The following LDLRAD3 variants were observed in gnomAD, a reference collection of about 807,000 sequenced individuals.
LDLRAD3 encodes low density lipoprotein receptor class A domain containing 3, also known as low-density lipoprotein receptor class A domain-containing protein 3.
A neutral mutation model predicts 29.4 loss-of-function variants in LDLRAD3; 20 were observed. The observed-to-expected ratio is 0.68, with a 90% CI of 0.48 to 0.99. LDLRAD3 has a LOEUF of 0.99. Among genes scored for constraint, LDLRAD3 ranks in the 50% least tolerant of loss-of-function variants. The probability of loss-of-function intolerance (pLI) is 0.00; values close to 1 mark genes in which losing one functional copy is unlikely to be tolerated. For synonymous variants in LDLRAD3, 157 were observed against 192.7 expected, an observed-to-expected ratio of 0.81 and a Z score of 1.53; for missense variants, 420 against 454.3, an observed-to-expected ratio of 0.92 and a Z score of 0.69.
intron 4 of LDLRAD3, among the ~76,000 whole-genome samples, chr11:36,214,288 G>A (rs371635251): frequency 6.6e-6 from 1 of 152,302 alleles, no homozygotes; most frequent in African/African-American, 2.4e-5. Flanking sequence ...GGCTGTGAGT[G>A]GGGGCAGACC....
chr11:36,172,255 A>G (rs1256198260), intron 4 of LDLRAD3, among the ~76,000 whole-genome samples: 1 of 152,174 alleles, frequency 6.6e-6, no homozygotes, highest in East Asian at 1.9e-4. Context: ...TTTTTTAGGT[A>G]TATGATCATA....
chr11:35,978,007 C>T lies in LDLRAD3; in HGVS notation c.46+33863C>T, dbSNP rs138694313. 4.8e-3 allele frequency among the ~76,000 whole-genome samples: 727 copies of T among 152,250 alleles called. 9 individuals carry two copies. Among genetic ancestry groups the T allele is most frequent in the African/African-American group, 0.016 (677 of 41,554 alleles). On this transcript the variant is annotated intron_variant, in intron 1 of 5. Transcript: ENST00000315571. ...TGGTGGTTTCAAACCTGAGCCCCTA[C>T]ATCAGTGGTCACCGTGGCAGACTCC... is the stretch of plus-strand genomic sequence containing the variant.
At chr11:36,129,205 C>T (rs1853888678) in intron 4 of LDLRAD3, among the ~76,000 whole-genome samples, 1 of 152,178 alleles carries the variant, frequency 6.6e-6, no homozygotes. Flanking sequence ...GGCATTTGTT[C>T]TCTGCCTGCT....
chr11:36,048,594 T>C (rs568296871), intron 2 of LDLRAD3, among the ~76,000 whole-genome samples: 1 of 152,328 alleles, frequency 6.6e-6, no homozygotes, highest in Non-Finnish European at 1.5e-5. Flanking sequence ...ACTGTTTCAT[T>C]TTCTGAAGTG....
chr11:35,951,636 G>A (rs1014053250), intron 1 of LDLRAD3, among the ~76,000 whole-genome samples: 1 of 152,208 alleles, frequency 6.6e-6, no homozygotes, highest in Non-Finnish European at 1.5e-5. Context: ...ATTTCTTGCA[G>A]TGAGAGATAT....
At chr11:36,105,232 TGTGTGTGA>T (rs780283278) in intron 4 of LDLRAD3, among the ~76,000 whole-genome samples, 5 of 148,520 alleles carry the variant, frequency 3.4e-5, no homozygotes, top group Middle Eastern at 6.8e-3. Context: ...TGTGTGTGTG[TGTGTGTGA>T]GAGAGAGAGA....
rs60376519 is a variant in LDLRAD3 at position 36,108,319 on chromosome 11, CAAAAAAAAAAA to C, written c.454+9877_454+9887del. Reference sequence around the variant, plus strand: ...TGGGTGACAGAGCGAGACTCCATCTCAAAAAAAAAAAAAAAAAAAAAAAAAAAAAGATGCAT... The same window carrying C: ...TGGGTGACAGAGCGAGACTCCATCTCAAAAAAAAAAAAAAAAAAGATGCAT... On this transcript the variant is annotated intron_variant, in intron 4 of 5. Coordinates refer to ENST00000315571, the MANE Select transcript of LDLRAD3 (RefSeq NM_174902.4). 1.1e-3 allele frequency among the ~76,000 whole-genome samples: 54 copies of C among 48,986 alleles called. No individual in the cohort carries two copies. In the Middle Eastern group the frequency reaches 0.058, roughly 52 times the overall value. The allele number at this position is 48,986 out of a possible 152,430, so 32.1% of individuals were successfully genotyped here. A position where few individuals can be genotyped will look rare whatever the true frequency, so the allele number is the denominator to read the frequency against.
intron 1 of LDLRAD3, among the ~76,000 whole-genome samples, chr11:35,978,739 A>G (rs1312431292): frequency 6.6e-6 from 1 of 152,240 alleles, no homozygotes; most frequent in Non-Finnish European, 1.5e-5. Flanking sequence ...AGTCCAGGAT[A>G]GTCAGCTCAA....
intron 1 of LDLRAD3, among the ~76,000 whole-genome samples, chr11:35,962,514 C>T (rs1395096644): frequency 6.6e-6 from 1 of 152,134 alleles, no homozygotes; most frequent in Non-Finnish European, 1.5e-5. Flanking sequence ...TCCACACTGA[C>T]TTCAAAAGGG....
chr11:36,052,968 ATTT>A lies in LDLRAD3; in HGVS notation c.193+16733_193+16735del, dbSNP rs10711575. On this transcript the variant is annotated intron_variant, in intron 2 of 5. Transcript: ENST00000315571. ...ACCCAGCTCTCTGATTTGAGGTCTG[ATTT>A]TTTTTTTTTTTTTAAACTCTGCAGT... Among the ~76,000 whole-genome samples, 37 of 147,358 alleles carry A rather than the reference ATTT, an allele frequency of 2.5e-4. 2 individuals are homozygous for A. Among genetic ancestry groups the A allele is most frequent in the East Asian group, 6.0e-4 (3 of 4,988 alleles).
chr11:35,948,683 T>A (rs886330642), intron 1 of LDLRAD3, among the ~76,000 whole-genome samples: 1 of 152,210 alleles, frequency 6.6e-6, no homozygotes, highest in East Asian at 1.9e-4. Flanking sequence ...AACTGCTTGG[T>A]CGGGGGAGAG....
intron 4 of LDLRAD3, among the ~76,000 whole-genome samples, chr11:36,130,752 G>A (rs926008608): frequency 2.6e-5 from 4 of 152,182 alleles, no homozygotes; most frequent in Non-Finnish European, 4.4e-5. Flanking sequence ...TGGTTGAGGA[G>A]CTATTATCAT....
intron 1 of LDLRAD3, among the ~76,000 whole-genome samples, chr11:36,026,381 G>A (rs926934702): frequency 3.3e-5 from 5 of 152,174 alleles, no homozygotes; most frequent in Middle Eastern, 3.4e-3. Flanking sequence ...TCTTGCTGTC[G>A]CCCTGTGCAC....
intron 4 of LDLRAD3, among the ~76,000 whole-genome samples, chr11:36,113,696 CAG>C (rs1257476802): frequency 1.6e-5 from 2 of 123,364 alleles, no homozygotes; most frequent in East Asian, 5.3e-4. Flanking sequence ...TTTTTTGAGA[CAG>C]AGTCTTGCTC....
Position 36,111,352 on chromosome 11 carries a change from C to T in LDLRAD3, c.454+12891C>T, listed in dbSNP as rs555685338. Among the ~76,000 whole-genome samples, 8 of 152,194 alleles carry T rather than the reference C, an allele frequency of 5.3e-5. No individual in the cohort carries two copies. The South Asian group carries it at 1.0e-3, about 20-fold the overall frequency. On this transcript the variant is annotated intron_variant, in intron 4 of 5. Coordinates refer to ENST00000315571, the MANE Select transcript of LDLRAD3 (RefSeq NM_174902.4). ...TGACCATAGAAGGGATATCCTCCCC[C>T]TCCTGCTTCCAACAAGTGGCTTGAA...
chr11:35,974,682 G>T (rs367658746), intron 1 of LDLRAD3, among the ~76,000 whole-genome samples: 10 of 152,272 alleles, frequency 6.6e-5, no homozygotes, highest in African/African-American at 2.2e-4. Flanking sequence ...TTGTCATGTG[G>T]GTCCTCCATA....
At chr11:36,206,224 G>A (rs1444533078) in intron 4 of LDLRAD3, among the ~76,000 whole-genome samples, 2 of 152,130 alleles carry the variant, frequency 1.3e-5, no homozygotes, top group Non-Finnish European at 2.9e-5. Context: ...TAGGTGCTGG[G>A]GCTGCCTGTT....
At chr11:36,081,887 A>G in intron 3 of LDLRAD3, 109 bp downstream of exon 3, 1 of 1,304,616 alleles carries the variant, frequency 7.7e-7, no homozygotes, top group East Asian at 2.3e-5. Flanking sequence ...AGGCTCAGGC[A>G]TTCTCTTCTG....
At chr11:35,963,323 AT>A (rs985122152) in intron 1 of LDLRAD3, among the ~76,000 whole-genome samples, 1 of 152,098 alleles carries the variant, frequency 6.6e-6, no homozygotes, top group Non-Finnish European at 1.5e-5. Context: ...CTTAAAAAAA[AT>A]ATCAAAGAAC....
Sources: gnomAD v4.1 joint callset for allele counts (sites outside exome capture counted in the v4.1 genomes callset) on GRCh38, gnomAD v4.1.1 for gene constraint, MANE v1.5 for transcripts, NCBI Gene and HGNC (gene_info 2026-07-23, HGNC 2026-07-21) for gene names.